The following FILIP1L variants were observed in gnomAD, a reference collection of about 807,000 sequenced individuals.
FILIP1L encodes filamin A interacting protein 1 like.
Under a neutral mutation model 96.6 loss-of-function variants are expected in FILIP1L, and 55 were observed. The ratio of observed to expected loss-of-function variants is 0.57; its 90% CI spans 0.46 to 0.71. The LOEUF (loss-of-function observed/expected upper bound fraction) is 0.71, where lower values mean the gene tolerates loss of function less well. FILIP1L is among the 30% of genes least tolerant of loss of function. The probability of loss-of-function intolerance (pLI) is 0.00; values close to 1 mark genes in which losing one functional copy is unlikely to be tolerated. For missense variants in FILIP1L, 1,304 were observed against 1,321.2 expected, an observed-to-expected ratio of 0.99 and a Z score of 0.20; for synonymous variants, 467 against 473.9, an observed-to-expected ratio of 0.99 and a Z score of 0.19.
intron 4 of FILIP1L, among the ~76,000 whole-genome samples, chr3:99,871,218 G>A (rs1944769318): frequency 6.6e-6 from 1 of 152,106 alleles, no homozygotes; most frequent in Non-Finnish European, 1.5e-5. Context: ...ACTTCCATAT[G>A]GTTGCTTTAA....
chr3:99,857,515 C>A (rs756730703), intron 4 of FILIP1L, among the ~76,000 whole-genome samples: 2 of 152,176 alleles, frequency 1.3e-5, no homozygotes, highest in Non-Finnish European at 2.9e-5. Context: ...ATCTACTGGA[C>A]AAATATGTTT....
At chr3:99,943,910 C>T (rs1707927214) in intron 1 of FILIP1L, among the ~76,000 whole-genome samples, 1 of 152,114 alleles carries the variant, frequency 6.6e-6, no homozygotes, top group Non-Finnish European at 1.5e-5. Context: ...CTTCAGGGCT[C>T]AGTGTTTTAT....
rs762904498 is a variant in FILIP1L, at chr3:99,848,436, A to G, written c.3240T>C (p.Pro1080=). The G allele has an allele frequency of 2.5e-6, 4 of 1,614,178 alleles. No individual in the cohort carries two copies. The highest frequency in any genetic ancestry group is 3.4e-6 in the Non-Finnish European group (4 of 1,180,008). Reference sequence around the variant, plus strand: ...CCTGCAGTGGTGCTGAAGGGCTGGCAGGTCTCACAGGGCTGGCTACAGCTT... The same window carrying G: ...CCTGCAGTGGTGCTGAAGGGCTGGCGGGTCTCACAGGGCTGGCTACAGCTT... ...YMQAVASPVR[P]ASPSAPLQDN... Residue 1080 remains proline, a synonymous_variant, in exon 5 of 6, where the codon CCT becomes CCC. Coordinates refer to ENST00000477258, the MANE Select transcript of FILIP1L (RefSeq NM_001387850.1).
chr3:100,093,463 A>G (rs2066148787), intron 1 of FILIP1L, among the ~76,000 whole-genome samples: 2 of 152,192 alleles, frequency 1.3e-5, no homozygotes, highest in African/African-American at 2.4e-5. Context: ...CAAAAAATAT[A>G]TACTTTTAAT....
chr3:99,898,628 T>C lies in FILIP1L; in HGVS notation c.605+25602A>G, dbSNP rs142562829. 1,832 of 191,502 alleles carry C rather than the reference T, an allele frequency of 9.6e-3. 19 individuals are homozygous for C. Among genetic ancestry groups the C allele is most frequent in the African/African-American group, 0.026 (1,082 of 42,182 alleles). The allele number at this position is 191,502 out of a possible 1,614,324, so 11.9% of individuals were successfully genotyped here. ...CAAAAATACAAAAACTAGCTGGGCA[T>C]GATGGCGGGTGCCTGTAATCCCAGC... On this transcript the variant is annotated intron_variant, in intron 4 of 5. Transcript: ENST00000477258.
chr3:100,046,026 C>G (rs1236377806), intron 1 of FILIP1L, among the ~76,000 whole-genome samples: 1 of 152,094 alleles, frequency 6.6e-6, no homozygotes, highest in East Asian at 1.9e-4. Context: ...CACATGCTTG[C>G]TTTGTTTGTT....
chr3:100,093,467 T>C (rs575329614), intron 1 of FILIP1L, among the ~76,000 whole-genome samples: 15 of 152,304 alleles, frequency 9.8e-5, no homozygotes, highest in Middle Eastern at 3.4e-3. Flanking sequence ...AAATATATAC[T>C]TTTAATTTTT....
chr3:99,914,289 T>C, intron 4 of FILIP1L, among the ~76,000 whole-genome samples: 1 of 152,202 alleles, frequency 6.6e-6, no homozygotes, highest in Non-Finnish European at 1.5e-5. Context: ...ATGGAAGTTT[T>C]TTTATTTTTG....
intron 4 of FILIP1L, among the ~76,000 whole-genome samples, chr3:99,920,893 A>G (rs755631594): frequency 6.6e-6 from 1 of 152,186 alleles, no homozygotes; most frequent in Non-Finnish European, 1.5e-5. Context: ...TTTTTGTTTT[A>G]TTTCCAGGTA....
At chr3:100,035,733 T>C (rs115708349) in intron 1 of FILIP1L, among the ~76,000 whole-genome samples, 397 of 152,300 alleles carry the variant, frequency 2.6e-3, no homozygotes, top group African/African-American at 8.4e-3. Context: ...TTTATTGTAA[T>C]AGAAAAATTC....
At chr3:99,956,771 G>A (rs547736812) in intron 1 of FILIP1L, among the ~76,000 whole-genome samples, 4 of 151,970 alleles carry the variant, frequency 2.6e-5, no homozygotes, top group East Asian at 1.9e-4. Flanking sequence ...TTTATAACAC[G>A]CCCAGTGGTC....
intron 4 of FILIP1L, among the ~76,000 whole-genome samples, chr3:99,911,493 T>C (rs762200661): frequency 6.6e-6 from 1 of 152,052 alleles, no homozygotes; most frequent in Non-Finnish European, 1.5e-5. Context: ...TCTCATGGTC[T>C]CAGGATAAAG....
intron 1 of FILIP1L, among the ~76,000 whole-genome samples, chr3:99,997,330 A>G (rs745658382): frequency 2.0e-5 from 3 of 152,228 alleles, no homozygotes; most frequent in African/African-American, 4.8e-5. Flanking sequence ...ATTAGGAACA[A>G]CTATGTGCTC....
chr3:99,850,367 T>C lies in FILIP1L; in HGVS notation c.1309A>G (p.Ser437Gly). The C allele has an allele frequency of 2.5e-6, 4 of 1,612,944 alleles. No homozygotes were observed. The highest frequency in any genetic ancestry group is 3.4e-6 in the Non-Finnish European group (4 of 1,179,792). Residue 437 changes from serine to glycine, a missense_variant, in exon 5 of 6, where the codon AGC (serine) becomes GGC (glycine). Coordinates refer to ENST00000477258, the MANE Select transcript of FILIP1L (RefSeq NM_001387850.1). ...LEKLEDAFNK[S>G]KQECYSLKCN... is the part of the protein sequence containing the mutation. ...TTCAGAGAGTAGCATTCTTGTTTGCTTTTGTTGAAAGCGTCTTCTAACTTT... is the reference window on the plus strand; with the variant it reads ...TTCAGAGAGTAGCATTCTTGTTTGCCTTTGTTGAAAGCGTCTTCTAACTTT...
At chr3:100,035,305 A>C (rs1379065463) in intron 1 of FILIP1L, among the ~76,000 whole-genome samples, 1 of 152,070 alleles carries the variant, frequency 6.6e-6, no homozygotes, top group Non-Finnish European at 1.5e-5. Context: ...ACACAGTCTC[A>C]CTCTGTCACC....
chr3:99,883,008 A>G (rs532563556), intron 4 of FILIP1L, among the ~76,000 whole-genome samples: 18 of 150,192 alleles, frequency 1.2e-4, no homozygotes, highest in African/African-American at 3.1e-4. Context: ...ATGCTTGCCA[A>G]TTGGGGGTTC....
At chr3:99,970,523 A>T (rs1333648552) in intron 1 of FILIP1L, among the ~76,000 whole-genome samples, 1 of 152,248 alleles carries the variant, frequency 6.6e-6, no homozygotes, top group East Asian at 1.9e-4. Flanking sequence ...ACCTAATTGC[A>T]GAACACTTTC....
chr3:99,873,804 G>A (rs1430527588), intron 4 of FILIP1L, among the ~76,000 whole-genome samples: 1 of 152,130 alleles, frequency 6.6e-6, no homozygotes, highest in East Asian at 1.9e-4. Context: ...TGTTACTATA[G>A]TCTCCATCAC....
chr3:99,943,718 T>G (rs1707921418), intron 1 of FILIP1L, among the ~76,000 whole-genome samples: 1 of 152,056 alleles, frequency 6.6e-6, no homozygotes, highest in East Asian at 1.9e-4. Context: ...AAAAAAAAAT[T>G]ACATCTTTGG....
Sources: allele counts gnomAD v4.1 joint callset (sites outside exome capture counted in the v4.1 genomes callset), GRCh38; gene constraint gnomAD v4.1.1; transcripts MANE v1.5; gene names NCBI Gene and HGNC (gene_info 2026-07-23, HGNC 2026-07-21).